FER: variants seen among roughly 807,000 people sequenced by gnomAD.
The protein encoded by FER is tyrosine-protein kinase Fer.
Under a neutral mutation model 111.0 loss-of-function variants are expected in FER, and 63 were observed. The ratio of observed to expected loss-of-function variants is 0.57; its 90% CI spans 0.46 to 0.70. FER has a LOEUF of 0.70. Ranked by LOEUF, FER falls within the 30% of genes least tolerant of loss-of-function variation. FER has a pLI of 0.00. For missense variants in FER, 914 were observed against 954.0 expected (o/e 0.96, Z 0.55); for synonymous variants, 327 against 313.9 (o/e 1.04, Z -0.44).
In FER at chr5:108,935,662, G is replaced by C. The variant is rs570138271; in HGVS notation, c.1237-10468G>C. ...GTTGTGGGTGAAATCTTTAACTTGA[G>C]AGAAGCTGGTTCTTTCTGCCCTTTT... On this transcript the variant is annotated intron_variant, in intron 10 of 19. Coordinates refer to ENST00000281092, the MANE Select transcript of FER (RefSeq NM_005246.4). Among the ~76,000 whole-genome samples, 3 of 152,166 alleles carry C rather than the reference G, an allele frequency of 2.0e-5. No individual in the cohort carries two copies. The South Asian group carries it at 6.2e-4, about 32-fold the overall frequency.
intron 10 of FER, among the ~76,000 whole-genome samples, chr5:108,925,198 C>G (rs1246614801): frequency 6.6e-6 from 1 of 151,518 alleles, no homozygotes; most frequent in East Asian, 1.9e-4. Context: ...ATTAAGATTT[C>G]TATTTTTCAA....
chr5:109,131,876 C>T (rs1016851682), intron 17 of FER, among the ~76,000 whole-genome samples: 2 of 152,136 alleles, frequency 1.3e-5, no homozygotes, highest in East Asian at 3.9e-4. Context: ...CTCCTTGTTA[C>T]AGTAGCCAGA....
intron 17 of FER, among the ~76,000 whole-genome samples, chr5:109,146,309 T>C (rs1754211690): frequency 7.6e-6 from 1 of 131,476 alleles, no homozygotes; most frequent in Non-Finnish European, 1.6e-5. Flanking sequence ...AGCACTTTTC[T>C]AGTGTTTTTG....
chr5:108,913,949 G>A (rs1349193602), intron 10 of FER, among the ~76,000 whole-genome samples: 1 of 152,130 alleles, frequency 6.6e-6, no homozygotes, highest in Non-Finnish European at 1.5e-5. Context: ...AAATGTAAAA[G>A]TAATCAATGA....
intron 10 of FER, among the ~76,000 whole-genome samples, chr5:108,909,043 A>G (rs1282759423): frequency 6.6e-6 from 1 of 152,180 alleles, no homozygotes; most frequent in East Asian, 1.9e-4. Context: ...AAAACAAACA[A>G]AACAATTATG....
rs972204162 is a variant in FER at position 109,192,170 on chromosome 5, G to C, written c.*4595G>C. The C allele has an allele frequency of 3.9e-5, 6 of 152,172 alleles. No individual in the cohort carries two copies. Among genetic ancestry groups the C allele is most frequent in the African/African-American group, 1.4e-4 (6 of 41,444 alleles). 9.4% of individuals were successfully genotyped at this position (152,172 alleles called of 1,614,324 possible). A position where few individuals can be genotyped will look rare whatever the true frequency, so the allele number is the denominator to read the frequency against. On this transcript the variant is annotated 3_prime_UTR_variant, in exon 20 of 20. Transcript: ENST00000281092. ...ACTTTAAACTGCATAGAAGTAATGA[G>C]CATAGGCTTCAGTATATTTAATAAG...
intron 10 of FER, among the ~76,000 whole-genome samples, chr5:108,906,336 C>A (rs899564336): frequency 2.0e-5 from 3 of 151,928 alleles, no homozygotes; most frequent in African/African-American, 7.3e-5. Context: ...AAGCATAAAT[C>A]CTTCCTTTTA....
intron 13 of FER, among the ~76,000 whole-genome samples, chr5:109,015,599 A>T (rs759212752): frequency 6.6e-6 from 1 of 152,028 alleles, no homozygotes. Context: ...ATCCAAGCTG[A>T]CAGGTGACAT....
intron 16 of FER, among the ~76,000 whole-genome samples, chr5:109,056,156 G>A (rs1464922947): frequency 6.6e-6 from 1 of 152,188 alleles, no homozygotes; most frequent in African/African-American, 2.4e-5. Flanking sequence ...ATGGCAAACA[G>A]TATGAAGGTT....
At chr5:109,126,554 TTAATGAA>T (rs1271710855) in intron 17 of FER, among the ~76,000 whole-genome samples, 1 of 152,182 alleles carries the variant, frequency 6.6e-6, no homozygotes, top group African/African-American at 2.4e-5. Flanking sequence ...AAGGGATTGA[TTAATGAA>T]TAATAATTTA....
intron 2 of FER, among the ~76,000 whole-genome samples, chr5:108,772,396 A>G (rs1193089410): frequency 6.7e-6 from 1 of 149,884 alleles, no homozygotes; most frequent in Non-Finnish European, 1.5e-5. Flanking sequence ...CATGTATTGC[A>G]TTTGCTTCTT....
intron 10 of FER, among the ~76,000 whole-genome samples, chr5:108,901,413 A>C (rs2150337826): frequency 6.6e-6 from 1 of 152,028 alleles, no homozygotes; most frequent in South Asian, 2.1e-4. Context: ...AGAGGAATGG[A>C]GTATAAGGAA....
intron 9 of FER, among the ~76,000 whole-genome samples, chr5:108,893,731 C>T (rs183198455): frequency 1.3e-5 from 2 of 151,998 alleles, no homozygotes; most frequent in South Asian, 2.1e-4. Context: ...CTGTGTGGGG[C>T]AAGCAAAAGG....
At chr5:108,879,136 C>G (rs2150270726) in intron 8 of FER, among the ~76,000 whole-genome samples, 1 of 151,946 alleles carries the variant, frequency 6.6e-6, no homozygotes, top group Non-Finnish European at 1.5e-5. Context: ...TGATTTTTTT[C>G]CAGGTAGGGT....
At chr5:108,852,523 C>T (rs192379268) in intron 5 of FER, among the ~76,000 whole-genome samples, 3 of 152,080 alleles carry the variant, frequency 2.0e-5, no homozygotes, top group Admixed American at 2.0e-4. Flanking sequence ...AATTTATGTT[C>T]AGGTGATATA....
intron 13 of FER, among the ~76,000 whole-genome samples, chr5:109,013,780 G>C (rs1766649261): frequency 6.7e-6 from 1 of 149,668 alleles, no homozygotes; most frequent in African/African-American, 2.4e-5. Flanking sequence ...CATTCTAACT[G>C]GTGTGAGATG....
intron 16 of FER, among the ~76,000 whole-genome samples, chr5:109,053,937 C>A (rs1176398029): frequency 6.6e-6 from 1 of 151,966 alleles, no homozygotes; most frequent in African/African-American, 2.4e-5. Flanking sequence ...GTGATCCGCC[C>A]GCCTCGGCCT....
intron 16 of FER, among the ~76,000 whole-genome samples, chr5:109,077,631 A>G (rs530612995): frequency 1.3e-5 from 2 of 152,286 alleles, no homozygotes; most frequent in South Asian, 4.1e-4. Context: ...GAAGTAGAAC[A>G]TGTACTTGAG....
chr5:109,153,695 G>A (rs1008509544), intron 17 of FER, among the ~76,000 whole-genome samples: 34 of 151,826 alleles, frequency 2.2e-4, no homozygotes, highest in African/African-American at 7.7e-4. Flanking sequence ...CTCACTATGA[G>A]GCAAGTGATA....
Sources: allele counts gnomAD v4.1 joint callset (sites outside exome capture counted in the v4.1 genomes callset), GRCh38; gene constraint gnomAD v4.1.1; transcripts MANE v1.5; gene names NCBI Gene and HGNC (gene_info 2026-07-23, HGNC 2026-07-21).